Variants in MYO1E observed in about 807,000 individuals in gnomAD.
MYO1E encodes unconventional myosin-Ie.
A neutral mutation model predicts 151.1 loss-of-function variants in MYO1E; 68 were observed. The ratio of observed to expected loss-of-function variants is 0.45; its 90% CI spans 0.37 to 0.55. The LOEUF (loss-of-function observed/expected upper bound fraction) is 0.55. Ranked by LOEUF, MYO1E falls within the 20% of genes least tolerant of loss-of-function variation. The probability of loss-of-function intolerance (pLI) is 0.00; values close to 1 mark genes in which losing one functional copy is unlikely to be tolerated. For synonymous variants in MYO1E, 601 were observed against 501.7 expected (o/e 1.20, Z -2.64); for missense variants, 1,363 against 1,389.3 (o/e 0.98, Z 0.30).
intron 17 of MYO1E, 99 bp downstream of exon 17, chr15:59,195,362 G>A: frequency 1.2e-5 from 13 of 1,045,844 alleles, no homozygotes; most frequent in Non-Finnish European, 1.8e-5. Flanking sequence ...AAAGACATGT[G>A]CGGACAACTG....
intron 18 of MYO1E, among the ~76,000 whole-genome samples, chr15:59,185,326 G>GGCGCCATGCCAACTCACTGCAACTTCCA (rs2079689239): frequency 6.6e-6 from 1 of 152,048 alleles, no homozygotes; most frequent in Non-Finnish European, 1.5e-5. Flanking sequence ...GGAGTGCAAT[G>GGCGCCATGCCAACTCACTGCAACTTCCA]GCGCCATGCC....
chr15:59,253,158 A>T lies in MYO1E; in HGVS notation c.332+3126T>A, dbSNP rs73424937. Reference sequence around the variant, plus strand: ...GTTTGAGTAATACTGAAAATAAAACACATCACCTTGGGAGACTGCTAGGGC... The same window carrying T: ...GTTTGAGTAATACTGAAAATAAAACTCATCACCTTGGGAGACTGCTAGGGC... On this transcript the variant is annotated intron_variant, in intron 4 of 27. Coordinates refer to ENST00000288235, the MANE Select transcript of MYO1E (RefSeq NM_004998.4). 8.5e-3 allele frequency among the ~76,000 whole-genome samples: 1,292 copies of T among 152,344 alleles called. 18 individuals are homozygous for T. The highest frequency in any genetic ancestry group is 0.03 in the African/African-American group (1,256 of 41,576).
rs772318675 is a variant in MYO1E at position 59,223,025 on chromosome 15, C to T, written c.910+34G>A. On this transcript the variant is annotated intron_variant, in intron 9 of 27. Coordinates refer to ENST00000288235, the MANE Select transcript of MYO1E (RefSeq NM_004998.4). ...TTACTTCTAATCAGAGCTAGCCACC[C>T]CTCATTCAATGGCCACATGCCAGGG... 1.1e-5 allele frequency: 18 copies of T among 1,612,960 alleles called. No homozygotes were observed. In the Admixed American group the frequency reaches 2.2e-4, roughly 19 times the overall value.
chr15:59,272,848 T>C (rs1028276741), intron 1 of MYO1E, among the ~76,000 whole-genome samples: 22 of 152,246 alleles, frequency 1.4e-4, no homozygotes, highest in Non-Finnish European at 4.4e-5. Flanking sequence ...CATACTGTTG[T>C]GTTGAATTTG....
intron 1 of MYO1E, among the ~76,000 whole-genome samples, chr15:59,301,707 G>C (rs1263105600): frequency 1.3e-5 from 2 of 152,192 alleles, no homozygotes; most frequent in African/African-American, 4.8e-5. Context: ...CTTAGCACTG[G>C]AGCCTGCTGG....
chr15:59,166,049 C>T (rs544688141), intron 22 of MYO1E, among the ~76,000 whole-genome samples: 20 of 152,138 alleles, frequency 1.3e-4, no homozygotes, highest in Non-Finnish European at 2.1e-4. Flanking sequence ...ACTATTATAA[C>T]GAAAAAAGCA....
chr15:59,220,161 T>C (rs2079945371), intron 9 of MYO1E, among the ~76,000 whole-genome samples: 1 of 152,180 alleles, frequency 6.6e-6, no homozygotes, highest in Non-Finnish European at 1.5e-5. Context: ...AAAACAAAGC[T>C]TGTTTGGCCA....
intron 1 of MYO1E, among the ~76,000 whole-genome samples, chr15:59,341,110 G>A (rs1484475323): frequency 6.6e-6 from 1 of 151,548 alleles, no homozygotes; most frequent in Non-Finnish European, 1.5e-5. Flanking sequence ...GCATATATAA[G>A]TAGGTGTATA....
chr15:59,250,826 G>C (rs2080160234), intron 4 of MYO1E, among the ~76,000 whole-genome samples: 1 of 152,130 alleles, frequency 6.6e-6, no homozygotes, highest in Non-Finnish European at 1.5e-5. Context: ...AAATCCTTGG[G>C]AGCAGGTCCT....
intron 1 of MYO1E, among the ~76,000 whole-genome samples, chr15:59,287,255 C>T (rs1314871135): frequency 6.6e-6 from 1 of 152,184 alleles, no homozygotes; most frequent in South Asian, 2.1e-4. Context: ...GCTTGTCTCT[C>T]GGAACCCACA....
chr15:59,185,253 A>T (rs1371502963), intron 18 of MYO1E, among the ~76,000 whole-genome samples: 2 of 151,448 alleles, frequency 1.3e-5, no homozygotes, highest in Admixed American at 6.6e-5. Flanking sequence ...CATTTTGTGG[A>T]TTGTTTCCTT....
intron 17 of MYO1E, among the ~76,000 whole-genome samples, chr15:59,189,671 T>C (rs1390841220): frequency 6.6e-6 from 1 of 152,100 alleles, no homozygotes; most frequent in African/African-American, 2.4e-5. Flanking sequence ...GCCTTGTGGG[T>C]TCAAGAGATT....
chr15:59,250,580 C>T (rs2080158683), intron 4 of MYO1E, among the ~76,000 whole-genome samples: 1 of 151,748 alleles, frequency 6.6e-6, no homozygotes. Flanking sequence ...AAGTGTAGGG[C>T]TTTTCTGAGT....
chr15:59,263,106 A>C (rs2080233709), intron 2 of MYO1E, among the ~76,000 whole-genome samples: 1 of 152,246 alleles, frequency 6.6e-6, no homozygotes, highest in African/African-American at 2.4e-5. Context: ...AAATTTTACA[A>C]ATAAATTGTT....
intron 4 of MYO1E, among the ~76,000 whole-genome samples, chr15:59,250,657 G>A (rs1331838000): frequency 6.6e-6 from 1 of 152,142 alleles, no homozygotes; most frequent in African/African-American, 2.4e-5. Context: ...CCCCTGAATT[G>A]ATGAGGGTGG....
chr15:59,247,786 G>C (rs1231683703), intron 4 of MYO1E, among the ~76,000 whole-genome samples: 1 of 152,150 alleles, frequency 6.6e-6, no homozygotes, highest in East Asian at 1.9e-4. Context: ...GAACTAGTAA[G>C]GCAATTCAGG....
In MYO1E at chr15:59,342,059, T is replaced by C. The variant is rs539390054; in HGVS notation, c.3+30439A>G. On this transcript the variant is annotated intron_variant, in intron 1 of 27. Coordinates refer to ENST00000288235, the MANE Select transcript of MYO1E (RefSeq NM_004998.4). ...CATTCATTATTGCCCGTCTTCTGGA[T>C]AAAAGCCATTTTTACTTGGGTGAGA... Among the ~76,000 whole-genome samples, 5 of 152,368 alleles carry C rather than the reference T, an allele frequency of 3.3e-5. No individual in the cohort carries two copies. The East Asian group carries it at 9.6e-4, about 29-fold the overall frequency.
chr15:59,371,239 C>T (rs904945277), intron 1 of MYO1E, among the ~76,000 whole-genome samples: 5 of 152,054 alleles, frequency 3.3e-5, no homozygotes, highest in African/African-American at 7.2e-5. Flanking sequence ...TTTCGATGGG[C>T]CTCTGCTGCA....
chr15:59,140,756 C>T (rs373243914), intron 26 of MYO1E, among the ~76,000 whole-genome samples: 6 of 152,330 alleles, frequency 3.9e-5, no homozygotes, highest in South Asian at 2.1e-4. Flanking sequence ...GGGGGGAACA[C>T]TGACTGCCAG....
Sources: allele counts gnomAD v4.1 joint callset (sites outside exome capture counted in the v4.1 genomes callset), GRCh38; gene constraint gnomAD v4.1.1; transcripts MANE v1.5; gene names NCBI Gene and HGNC (gene_info 2026-07-23, HGNC 2026-07-21).